Variants in FSD2 observed in about 807,000 individuals in gnomAD.
FSD2 encodes the protein fibronectin type III and SPRY domain-containing protein 2.
FSD2 carries 71 observed loss-of-function variants against 80.4 expected under a neutral mutation model. The ratio of observed to expected loss-of-function variants is 0.88; its 90% CI spans 0.73 to 1.08. The LOEUF (loss-of-function observed/expected upper bound fraction) is 1.08, where lower values mean the gene tolerates loss of function less well. Among genes scored for constraint, FSD2 ranks in the 50% least tolerant of loss-of-function variants. The probability of loss-of-function intolerance (pLI) is 0.00; values close to 1 mark genes in which losing one functional copy is unlikely to be tolerated. For missense variants in FSD2, 923 were observed against 913.8 expected (o/e 1.01, Z -0.13); for synonymous variants, 361 against 329.5 (o/e 1.10, Z -1.03).
chr15:82,772,494 T>C (rs1287969954), intron 6 of FSD2, among the ~76,000 whole-genome samples: 1 of 152,196 alleles, frequency 6.6e-6, no homozygotes, highest in African/African-American at 2.4e-5. Flanking sequence ...AAGGCATAGA[T>C]TGCGAGTCCT....
rs1273429274 is a variant in FSD2, at chr15:82,766,041, G to A, written c.1554-10C>T. ...GATGCCCACAACAGACCTGTACAAG[G>A]AAGCAGAGCTGCAGTCAGAATGGGG... is the stretch of plus-strand genomic sequence containing the variant. On this transcript the variant is annotated splice_polypyrimidine_tract_variant and intron_variant, in intron 9 of 12. Transcript: ENST00000334574. 5 of 1,572,496 alleles carry A rather than the reference G, an allele frequency of 3.2e-6. No homozygotes were observed. In the Admixed American group the frequency reaches 7.3e-5, roughly 23 times the overall value.
At chr15:82,786,033 A>G (rs545089933) in intron 3 of FSD2, among the ~76,000 whole-genome samples, 1 of 152,326 alleles carries the variant, frequency 6.6e-6, no homozygotes, top group African/African-American at 2.4e-5. Flanking sequence ...TTGTTAGAAT[A>G]AGGGTCTATC....
rs991172951 is a variant in FSD2 at position 82,755,928 on chromosome 15, G to A, written c.*3420C>T. ...TTAAAGGACAGTGTTTTAAAAGCTGGATTTGGTTATGTTCTTCTGGAGACT... is the reference window on the plus strand; with the variant it reads ...TTAAAGGACAGTGTTTTAAAAGCTGAATTTGGTTATGTTCTTCTGGAGACT... On this transcript the variant is annotated 3_prime_UTR_variant, in exon 13 of 13. Transcript: ENST00000334574. 4.0e-6 allele frequency: 2 copies of A among 502,636 alleles called. No homozygotes were observed. The highest frequency in any genetic ancestry group is 7.9e-6 in the Non-Finnish European group (2 of 252,542). 31.1% of individuals were successfully genotyped at this position (502,636 alleles called of 1,614,324 possible). A position where few individuals can be genotyped will look rare whatever the true frequency, so the allele number is the denominator to read the frequency against.
chr15:82,795,500 C>A (rs2050243059), intron 1 of FSD2, among the ~76,000 whole-genome samples: 1 of 152,034 alleles, frequency 6.6e-6, no homozygotes, highest in Non-Finnish European at 1.5e-5. Flanking sequence ...TAAATATAGG[C>A]ATTTATGGCT....
chr15:82,779,224 C>G (rs1265132650), intron 5 of FSD2, among the ~76,000 whole-genome samples: 4 of 152,182 alleles, frequency 2.6e-5, no homozygotes, highest in African/African-American at 9.7e-5. Context: ...TCTCAAGTCA[C>G]TCCAGGCCCA....
intron 10 of FSD2, 118 bp from the exon 11 acceptor site, chr15:82,765,416 A>G (rs963889086): frequency 8.6e-6 from 11 of 1,279,640 alleles, no homozygotes; most frequent in Admixed American, 7.2e-5. Flanking sequence ...TGGCCTAGTA[A>G]TAGGCGTCCA....
intron 1 of FSD2, among the ~76,000 whole-genome samples, chr15:82,792,702 T>G (rs2050178861): frequency 6.6e-6 from 1 of 152,218 alleles, no homozygotes; most frequent in South Asian, 2.1e-4. Context: ...ATTGCCAAAT[T>G]TGGGATGAAT....
chr15:82,760,322 T>C (rs568527429), intron 12 of FSD2, among the ~76,000 whole-genome samples: 2 of 152,352 alleles, frequency 1.3e-5, no homozygotes, highest in East Asian at 1.9e-4. Context: ...AACTTTCATA[T>C]TGAGTGGGGA....
chr15:82,764,344 G>C (rs2049358944), intron 11 of FSD2, among the ~76,000 whole-genome samples: 1 of 152,080 alleles, frequency 6.6e-6, no homozygotes, highest in Admixed American at 6.5e-5. Flanking sequence ...TGTACACCAA[G>C]TAACCAGTGG....
At position 82,786,955 on chromosome 15, in the gene FSD2, A is replaced by G. The variant is rs1379432595; in HGVS notation, c.436T>C (p.Leu146=). 2 of 1,614,008 alleles carry G rather than the reference A, an allele frequency of 1.2e-6. No individual in the cohort carries two copies. Among genetic ancestry groups the G allele is most frequent in the East Asian group, 2.2e-5 (1 of 44,872 alleles). ...TGTGTGTACCTATAGGCTTCCCGCA[A>G]GTCCTGGCACTGGCCTGCTGAGCCC... The part of the protein sequence containing the change: ...GWGSAGQCQD[L]REAYRYTHGR... The change falls in exon 2 of 13, where the codon TTG becomes CTG. Residue 146 remains leucine (L), a synonymous_variant. Transcript: ENST00000334574.
intron 10 of FSD2, 140 bp downstream of exon 10, chr15:82,765,758 C>T: frequency 4.7e-6 from 5 of 1,060,626 alleles, no homozygotes; most frequent in Non-Finnish European, 6.6e-6. Context: ...TGGGACACCC[C>T]TGAACTCCTT....
rs1041818270 is a variant in FSD2 at position 82,787,011 on chromosome 15, G to A, written c.380C>T (p.Ala127Val). 6.2e-6 allele frequency: 10 copies of A among 1,613,782 alleles called. No homozygotes were observed. The highest frequency in any genetic ancestry group is 1.3e-5 in the African/African-American group (1 of 74,916). ...QRDWRLSGEA[A>V]EAEDLGFGGW... is the part of the protein sequence containing the mutation. ...TCCGAAGCCCAGGTCCTCGGCCTCC[G>A]CTGCCTCTCCACTAAGTCTCCAGTC... Residue 127 changes from alanine to valine, a missense_variant, in exon 2 of 13, where the codon GCG becomes GTG. Physicochemically the swap from Ala to Val is moderately conservative, Grantham distance 64 (BLOSUM62 0). Coordinates refer to ENST00000334574, the MANE Select transcript of FSD2 (RefSeq NM_001007122.4).
Position 82,787,468 on chromosome 15 carries a change from C to A in FSD2, c.-78G>T. Reference sequence around the variant, plus strand: ...GACACTTAATAGTGAATATCTGGGCCCTGGAACACAAAAGGAGGAGGAAAA... The same window carrying A: ...GACACTTAATAGTGAATATCTGGGCACTGGAACACAAAAGGAGGAGGAAAA... On this transcript the variant is annotated splice_region_variant and 5_prime_UTR_variant, in exon 2 of 13. Coordinates refer to ENST00000334574, the MANE Select transcript of FSD2 (RefSeq NM_001007122.4). 2.1e-6 allele frequency: 3 copies of A among 1,396,248 alleles called. No individual in the cohort carries two copies. Among genetic ancestry groups the A allele is most frequent in the East Asian group, 2.3e-5 (1 of 43,272 alleles). 86.5% of individuals were successfully genotyped at this position (1,396,248 alleles called of 1,614,324 possible).
intron 1 of FSD2, among the ~76,000 whole-genome samples, chr15:82,791,187 AT>A (rs2050141698): frequency 6.7e-6 from 1 of 149,422 alleles, no homozygotes; most frequent in Non-Finnish European, 1.5e-5. Context: ...TTTAGTAGAG[AT>A]GGGGTTTCAC....
intron 1 of FSD2, among the ~76,000 whole-genome samples, chr15:82,804,950 G>T (rs1341192262): frequency 6.6e-6 from 1 of 152,118 alleles, no homozygotes; most frequent in Non-Finnish European, 1.5e-5. Flanking sequence ...ACAATAAACT[G>T]TCATTTTATA....
rs554651008 is a variant in FSD2, at chr15:82,804,655, C to T, written c.-79+1311G>A. Among the ~76,000 whole-genome samples the T allele has an allele frequency of 6.6e-5, 10 of 152,248 alleles. No homozygotes were observed. The South Asian group carries it at 2.1e-3, about 32-fold the overall frequency. On this transcript the variant is annotated intron_variant, in intron 1 of 12. Transcript: ENST00000334574. ...GGGAAATAGCCAGGATTCTGTATGA[C>T]CAATAAATCATCATGAGAAATTATT...
At chr15:82,759,820 G>A (rs1286073155) in intron 12 of FSD2, among the ~76,000 whole-genome samples, 5 of 148,890 alleles carry the variant, frequency 3.4e-5, no homozygotes, top group Admixed American at 6.7e-5. Flanking sequence ...TTTAGATGGA[G>A]TCTTGCTCTG....
chr15:82,797,037 A>AC (rs71156052), intron 1 of FSD2, among the ~76,000 whole-genome samples: 23,755 of 146,856 alleles, frequency 0.16, 2,027 homozygotes, highest in Middle Eastern at 0.22. Flanking sequence ...AAAAAAAAAA[A>AC]AAAACACCTC....
chr15:82,784,396 C>T (rs2049948208), intron 3 of FSD2, among the ~76,000 whole-genome samples: 1 of 152,154 alleles, frequency 6.6e-6, no homozygotes, highest in South Asian at 2.1e-4. Context: ...AGGCACCCAC[C>T]ACCAAGCCCA....
Sources: gnomAD v4.1 joint callset for allele counts (sites outside exome capture counted in the v4.1 genomes callset) on GRCh38, gnomAD v4.1.1 for gene constraint, MANE v1.5 for transcripts, NCBI Gene and HGNC (gene_info 2026-07-23, HGNC 2026-07-21) for gene names.